FOXP1: variants seen among roughly 807,000 people sequenced by gnomAD.
The protein encoded by FOXP1 is forkhead box protein P1.
Under a neutral mutation model 98.2 loss-of-function variants are expected in FOXP1, and 15 were observed. That is an observed-to-expected ratio of 0.15 (90% CI 0.10 to 0.24). FOXP1 has a LOEUF of 0.24. Among genes scored for constraint, FOXP1 ranks in the 10% least tolerant of loss-of-function variants. FOXP1 has a pLI of 1.00. For synonymous variants in FOXP1, 371 were observed against 314.5 expected (o/e 1.18, Z -1.90); for missense variants, 633 against 848.5 (o/e 0.75, Z 3.15).
chr3:71,368,136 A>AT (rs1206787751), intron 3 of FOXP1, among the ~76,000 whole-genome samples: 1 of 151,846 alleles, frequency 6.6e-6, no homozygotes, highest in Non-Finnish European at 1.5e-5. Flanking sequence ...TTATTTATTT[A>AT]TTTTTTTAGA....
At chr3:71,176,799 C>A (rs1372470563) in intron 6 of FOXP1, among the ~76,000 whole-genome samples, 1 of 147,698 alleles carries the variant, frequency 6.8e-6, no homozygotes, top group South Asian at 2.1e-4. Flanking sequence ...CGGTGGCTCA[C>A]GCCTATAATC....
chr3:71,405,159 T>G (rs2082230571), intron 3 of FOXP1, among the ~76,000 whole-genome samples: 1 of 152,202 alleles, frequency 6.6e-6, no homozygotes, highest in Non-Finnish European at 1.5e-5. Flanking sequence ...AAACTCACAG[T>G]GAGCCTTGGG....
chr3:71,268,090 C>CTTT (rs754818021), intron 5 of FOXP1, among the ~76,000 whole-genome samples: 9 of 100,382 alleles, frequency 9.0e-5, no homozygotes, highest in African/African-American at 1.1e-4. Context: ...CTTTTCTTTT[C>CTTT]TTTTTTTTTT....
At chr3:71,367,626 A>G (rs951654786) in intron 3 of FOXP1, among the ~76,000 whole-genome samples, 1 of 152,166 alleles carries the variant, frequency 6.6e-6, no homozygotes, top group South Asian at 2.1e-4. Context: ...TACCTAAAAA[A>G]ATCCAAAAAC....
intron 3 of FOXP1, among the ~76,000 whole-genome samples, chr3:71,445,174 A>G (rs1304327349): frequency 6.6e-6 from 1 of 152,154 alleles, no homozygotes; most frequent in African/African-American, 2.4e-5. Flanking sequence ...ACCAATGAGG[A>G]GGCCAAGTGT....
chr3:71,282,383 C>A (rs1030359321), intron 5 of FOXP1, among the ~76,000 whole-genome samples: 3 of 151,664 alleles, frequency 2.0e-5, no homozygotes, highest in African/African-American at 7.3e-5. Context: ...TTTAAAAATA[C>A]TTTCCATATC....
Position 71,448,322 on chromosome 3 carries a change from G to C in FOXP1, c.-168+45104C>G, listed in dbSNP as rs532306675. 3.9e-5 allele frequency among the ~76,000 whole-genome samples: 6 copies of C among 152,234 alleles called. No homozygotes were observed. In the East Asian group the frequency reaches 1.2e-3, roughly 29 times the overall value. On this transcript the variant is annotated intron_variant, in intron 3 of 20. Transcript: ENST00000649528. Reference sequence around the variant, plus strand: ...CATTAAGTCTGCGAAAACAGTATGGGCACTAAATGCTTTCCTCATTCTGCA... The same window carrying C: ...CATTAAGTCTGCGAAAACAGTATGGCCACTAAATGCTTTCCTCATTCTGCA...
chr3:71,285,940 T>C (rs995237011), intron 5 of FOXP1, among the ~76,000 whole-genome samples: 2 of 152,220 alleles, frequency 1.3e-5, no homozygotes, highest in African/African-American at 4.8e-5. Flanking sequence ...AATAAAGTCA[T>C]GTATCACTTC....
At chr3:71,416,593 C>A (rs1436501543) in intron 3 of FOXP1, among the ~76,000 whole-genome samples, 1 of 127,010 alleles carries the variant, frequency 7.9e-6, no homozygotes, top group South Asian at 2.5e-4. Flanking sequence ...CACACACACA[C>A]GCAAAAAAAA....
intron 4 of FOXP1, among the ~76,000 whole-genome samples, chr3:71,327,976 C>T (rs2076020838): frequency 6.6e-6 from 1 of 152,318 alleles, no homozygotes; most frequent in South Asian, 2.1e-4. Context: ...CAGTAGGCCA[C>T]ACAAGCACCT....
chr3:70,964,487 T>TA (rs1465604390), intron 20 of FOXP1, among the ~76,000 whole-genome samples: 1 of 152,228 alleles, frequency 6.6e-6, no homozygotes. Context: ...TTCCATTCAA[T>TA]AACCAGACAT....
At chr3:71,157,192 G>C (rs2060867485) in intron 6 of FOXP1, among the ~76,000 whole-genome samples, 1 of 152,188 alleles carries the variant, frequency 6.6e-6, no homozygotes, top group South Asian at 2.1e-4. Context: ...AACAGGTATA[G>C]ATTTTCAAAC....
intron 5 of FOXP1, among the ~76,000 whole-genome samples, chr3:71,291,006 A>G (rs2072695573): frequency 2.0e-5 from 3 of 152,154 alleles, no homozygotes; most frequent in Admixed American, 1.3e-4. Flanking sequence ...CTCACCTTAC[A>G]TGGACTTACC....
intron 6 of FOXP1, among the ~76,000 whole-genome samples, chr3:71,175,194 G>A (rs1032129154): frequency 3.3e-5 from 5 of 152,168 alleles, no homozygotes; most frequent in Admixed American, 6.5e-5. Flanking sequence ...TTACAGGCTT[G>A]AGCCACCGCA....
intron 2 of FOXP1, among the ~76,000 whole-genome samples, chr3:71,532,900 G>T (rs1030417951): frequency 1.3e-5 from 2 of 152,148 alleles, no homozygotes; most frequent in Non-Finnish European, 2.9e-5. Context: ...CGGGGGACAG[G>T]ATCTACTGAG....
At chr3:70,961,500 G>C (rs2106912239) in intron 20 of FOXP1, among the ~76,000 whole-genome samples, 1 of 152,178 alleles carries the variant, frequency 6.6e-6, no homozygotes, top group East Asian at 1.9e-4. Flanking sequence ...CAAACTGCTG[G>C]GATTACAGGC....
chr3:71,253,307 T>C (rs1048668416), intron 5 of FOXP1, among the ~76,000 whole-genome samples: 1 of 152,228 alleles, frequency 6.6e-6, no homozygotes, highest in Non-Finnish European at 1.5e-5. Flanking sequence ...ATCCGGCAAC[T>C]TGGCTTCATA....
chr3:71,182,074 A>C (rs1411828993), intron 6 of FOXP1, among the ~76,000 whole-genome samples: 2 of 152,040 alleles, frequency 1.3e-5, no homozygotes, highest in African/African-American at 4.8e-5. Flanking sequence ...AAAAGAAAAC[A>C]AATGTGGTTT....
At chr3:71,075,001 G>A (rs373479785) in intron 7 of FOXP1, among the ~76,000 whole-genome samples, 8 of 152,340 alleles carry the variant, frequency 5.3e-5, no homozygotes, top group African/African-American at 1.7e-4. Flanking sequence ...TGAGCACCAG[G>A]CAGAGGCCAG....
Sources: allele counts gnomAD v4.1 joint callset (sites outside exome capture counted in the v4.1 genomes callset), GRCh38; gene constraint gnomAD v4.1.1; transcripts MANE v1.5; gene names NCBI Gene and HGNC (gene_info 2026-07-23, HGNC 2026-07-21).